Variants in BMPR1B observed in about 807,000 individuals in gnomAD.
BMPR1B encodes bone morphogenetic protein receptor type-1B.
A neutral mutation model predicts 59.1 loss-of-function variants in BMPR1B; 12 were observed. The ratio of observed to expected loss-of-function variants is 0.20; its 90% CI spans 0.13 to 0.33. BMPR1B has a LOEUF of 0.33. Ranked by LOEUF, BMPR1B falls within the 10% of genes least tolerant of loss-of-function variation. The probability of loss-of-function intolerance (pLI) is 1.00; values close to 1 mark genes in which losing one functional copy is unlikely to be tolerated. For missense variants in BMPR1B, 550 were observed against 610.9 expected, an observed-to-expected ratio of 0.90 and a Z score of 1.05; for synonymous variants, 237 against 207.3, an observed-to-expected ratio of 1.14 and a Z score of -1.23.
At chr4:95,139,977 A>T (rs1049721405) in intron 10 of BMPR1B, among the ~76,000 whole-genome samples, 4 of 152,142 alleles carry the variant, frequency 2.6e-5, no homozygotes, top group Non-Finnish European at 4.4e-5. Context: ...CCAGTACCTA[A>T]GTTGGAAATG....
rs1257012089 is a variant in BMPR1B at position 94,937,829 on chromosome 4, T to C, written c.-112-58211T>C. Among the ~76,000 whole-genome samples the C allele has an allele frequency of 2.0e-5, 3 of 152,000 alleles. No individual in the cohort carries two copies. In the East Asian group the frequency reaches 5.8e-4, roughly 29 times the overall value. ...AGCAATCATAAACTAGGTAAGAGCTTAGTTGGGATAGTGAGGGAGTGAGAT... is the reference window on the plus strand; with the variant it reads ...AGCAATCATAAACTAGGTAAGAGCTCAGTTGGGATAGTGAGGGAGTGAGAT... On this transcript the variant is annotated intron_variant, in intron 2 of 12. Coordinates refer to ENST00000515059, the MANE Select transcript of BMPR1B (RefSeq NM_001203.3).
chr4:95,119,268 G>A (rs1450121159), intron 6 of BMPR1B, among the ~76,000 whole-genome samples: 1 of 152,046 alleles, frequency 6.6e-6, no homozygotes, highest in East Asian at 1.9e-4. Context: ...GTTTCCAGTC[G>A]CAGTCTTAAC....
At chr4:94,801,163 C>T (rs1432565939) in intron 1 of BMPR1B, among the ~76,000 whole-genome samples, 1 of 152,134 alleles carries the variant, frequency 6.6e-6, no homozygotes, top group African/African-American at 2.4e-5. Flanking sequence ...GCCTTCTTGC[C>T]CTTTGCACAT....
At chr4:94,902,778 C>T (rs1727882962) in intron 2 of BMPR1B, among the ~76,000 whole-genome samples, 1 of 152,004 alleles carries the variant, frequency 6.6e-6, no homozygotes. Context: ...TAAACCCTTG[C>T]AGTCTCCTTT....
intron 2 of BMPR1B, among the ~76,000 whole-genome samples, chr4:94,989,031 CT>C (rs1476503903): frequency 1.3e-5 from 2 of 152,066 alleles, no homozygotes; most frequent in Non-Finnish European, 2.9e-5. Flanking sequence ...CCATTTTCCC[CT>C]GAAGAATGTC....
rs144386662 is a variant in BMPR1B at position 95,057,394 on chromosome 4, G to A, written c.-17-47014G>A. Among the ~76,000 whole-genome samples, 1,169 of 152,122 alleles carry A rather than the reference G, an allele frequency of 7.7e-3. 9 individuals are homozygous for A. The highest frequency in any genetic ancestry group is 0.017 in the Middle Eastern group (5 of 294). ...CGAGTCGCTGGGACTACAGGCACAC[G>A]CCACCACGCCCAGCTATTTTTGTTG... is the stretch of plus-strand genomic sequence containing the variant. On this transcript the variant is annotated intron_variant, in intron 3 of 12. Coordinates refer to ENST00000515059, the MANE Select transcript of BMPR1B (RefSeq NM_001203.3).
At chr4:95,063,137 A>C (rs914854367) in intron 3 of BMPR1B, among the ~76,000 whole-genome samples, 1 of 152,112 alleles carries the variant, frequency 6.6e-6, no homozygotes, top group African/African-American at 2.4e-5. Flanking sequence ...TCAAAATAAT[A>C]AAAAAAGATC....
intron 2 of BMPR1B, among the ~76,000 whole-genome samples, chr4:94,983,832 A>T (rs1721242376): frequency 6.6e-6 from 1 of 152,218 alleles, no homozygotes; most frequent in Non-Finnish European, 1.5e-5. Context: ...TTGTAATTGT[A>T]GTGATGTAGC....
chr4:94,852,925 G>A (rs1473763150), intron 1 of BMPR1B, among the ~76,000 whole-genome samples: 1 of 152,098 alleles, frequency 6.6e-6, no homozygotes, highest in African/African-American at 2.4e-5. Context: ...AAAAATTCTG[G>A]GATTTAGACA....
chr4:94,771,007 A>G (rs1356797372), intron 1 of BMPR1B, among the ~76,000 whole-genome samples: 1 of 152,156 alleles, frequency 6.6e-6, no homozygotes, highest in Admixed American at 6.5e-5. Flanking sequence ...CAAATTGCTA[A>G]GAAGTAATTA....
intron 3 of BMPR1B, 65 bp from the exon 4 acceptor site, chr4:95,104,343 G>A (rs894454216): frequency 8.4e-6 from 13 of 1,540,952 alleles, no homozygotes; most frequent in South Asian, 5.7e-5. Context: ...TCATGTTTTC[G>A]TTTGAACAGA....
intron 1 of BMPR1B, among the ~76,000 whole-genome samples, chr4:94,795,702 G>A (rs1723162947): frequency 1.3e-5 from 2 of 152,104 alleles, no homozygotes; most frequent in Admixed American, 6.6e-5. Context: ...ACCCTCAAGT[G>A]ATCCGCCCAC....
chr4:95,139,952 C>A (rs370626068), intron 10 of BMPR1B, among the ~76,000 whole-genome samples: 1 of 152,124 alleles, frequency 6.6e-6, no homozygotes, highest in Non-Finnish European at 1.5e-5. Flanking sequence ...TCCGACAGGC[C>A]CCAGTGAGGT....
intron 2 of BMPR1B, among the ~76,000 whole-genome samples, chr4:94,911,874 G>A (rs764303119): frequency 2.0e-5 from 3 of 152,098 alleles, no homozygotes; most frequent in Non-Finnish European, 2.9e-5. Context: ...AGTTTCTATA[G>A]CAGATATATC....
intron 6 of BMPR1B, among the ~76,000 whole-genome samples, chr4:95,116,421 G>GCGCGCGCGCGCACACACACACACACACA: frequency 4.1e-5 from 5 of 123,248 alleles, no homozygotes; most frequent in African/African-American, 1.4e-4. Flanking sequence ...TTCAGCGCGC[G>GCGCGCGCGCGCACACACACACACACACA]CACACACACA....
chr4:95,127,648 T>C (rs1001094563), intron 8 of BMPR1B, among the ~76,000 whole-genome samples: 10 of 152,192 alleles, frequency 6.6e-5, no homozygotes, highest in African/African-American at 2.4e-4. Flanking sequence ...ATGTTGCTCC[T>C]GTTTCCTTGT....
At chr4:94,770,688 G>A (rs1039774532) in intron 1 of BMPR1B, among the ~76,000 whole-genome samples, 2 of 151,782 alleles carry the variant, frequency 1.3e-5, no homozygotes, top group Admixed American at 1.3e-4. Context: ...TGGTTTTCCT[G>A]CCAAAATAAT....
intron 6 of BMPR1B, among the ~76,000 whole-genome samples, chr4:95,116,421 G>GCGCGCGCA: frequency 4.9e-5 from 6 of 123,198 alleles, no homozygotes; most frequent in African/African-American, 2.2e-4. Flanking sequence ...TTCAGCGCGC[G>GCGCGCGCA]CACACACACA....
chr4:94,877,959 CGTGT>C (rs142678226), intron 2 of BMPR1B, among the ~76,000 whole-genome samples: 1 of 151,608 alleles, frequency 6.6e-6, no homozygotes, highest in Non-Finnish European at 1.5e-5. Flanking sequence ...CACATGTGTG[CGTGT>C]GTGTGTGTAT....
Sources: gnomAD v4.1 joint callset for allele counts (sites outside exome capture counted in the v4.1 genomes callset) on GRCh38, gnomAD v4.1.1 for gene constraint, MANE v1.5 for transcripts, NCBI Gene and HGNC (gene_info 2026-07-23, HGNC 2026-07-21) for gene names.